Variants in RALYL observed in about 807,000 individuals in gnomAD.
RALYL encodes RNA-binding Raly-like protein.
RALYL carries 29 observed loss-of-function variants against 35.1 expected under a neutral mutation model. That is an observed-to-expected ratio of 0.83 (90% confidence interval 0.61 to 1.13). RALYL has a LOEUF of 1.13. Among genes scored for constraint, RALYL ranks in the 50% most tolerant of loss-of-function variants. The pLI is 0.00. For synonymous variants in RALYL, 120 were observed against 127.6 expected (o/e 0.94, Z 0.40); for missense variants, 359 against 360.4 (o/e 1.00, Z 0.03).
In RALYL at chr8:84,253,176, G is replaced by GTTTTTTTTTTT. The variant is rs764942491; in HGVS notation, c.-24+68773_-24+68783dup. Among the ~76,000 whole-genome samples, 2 of 52,858 alleles carry GTTTTTTTTTTT rather than the reference G, an allele frequency of 3.8e-5. 1 individual carries two copies. The highest frequency in any genetic ancestry group is 1.7e-4 in the African/African-American group (2 of 11,558). The allele number at this position is 52,858 out of a possible 152,430, so 34.7% of individuals were successfully genotyped here. A position where few individuals can be genotyped will look rare whatever the true frequency, so the allele number is the denominator to read the frequency against. On this transcript the variant is annotated intron_variant, in intron 1 of 8. Coordinates refer to ENST00000521268, the MANE Select transcript of RALYL (RefSeq NM_173848.7). ...GTATGTGTCTGTGTGTAGTTCTGCAGTTTTTTTTTTTTTTTTTTTTTTTTT... is the reference window on the plus strand; with the variant it reads ...GTATGTGTCTGTGTGTAGTTCTGCAGTTTTTTTTTTTTTTTTTTTTTTTTTTTTTTTTTTTT...
chr8:84,523,302 T>A (rs1479800976), intron 1 of RALYL, among the ~76,000 whole-genome samples: 3 of 151,912 alleles, frequency 2.0e-5, no homozygotes, highest in South Asian at 2.1e-4. Flanking sequence ...TCAGCTCTCA[T>A]GAGACTTATT....
intron 4 of RALYL, among the ~76,000 whole-genome samples, chr8:84,838,014 A>G (rs1832386231): frequency 6.6e-6 from 1 of 152,162 alleles, no homozygotes; most frequent in African/African-American, 2.4e-5. Flanking sequence ...AGTCATACTA[A>G]ACTATTAAAG....
intron 2 of RALYL, among the ~76,000 whole-genome samples, chr8:84,723,084 G>T (rs558197566): frequency 3.9e-5 from 6 of 152,036 alleles, no homozygotes; most frequent in Admixed American, 2.0e-4. Context: ...AAAGGACATT[G>T]AAATAATTAA....
intron 2 of RALYL, among the ~76,000 whole-genome samples, chr8:84,691,626 C>T (rs911062514): frequency 6.6e-6 from 1 of 151,860 alleles, no homozygotes; most frequent in Non-Finnish European, 1.5e-5. Context: ...TCTTCCTCCC[C>T]CCTCCCCTCA....
chr8:84,671,834 T>C (rs374291648), intron 2 of RALYL, among the ~76,000 whole-genome samples: 2 of 152,328 alleles, frequency 1.3e-5, no homozygotes, highest in East Asian at 3.9e-4. Context: ...TGGAAACATT[T>C]TCCCCATTGT....
chr8:84,739,471 T>C (rs765151618), intron 2 of RALYL, among the ~76,000 whole-genome samples: 8 of 151,906 alleles, frequency 5.3e-5, no homozygotes, highest in Non-Finnish European at 7.4e-5. Context: ...TTAGAATTGT[T>C]CAAGGATAAA....
chr8:84,454,535 C>T (rs1057288595), intron 1 of RALYL, among the ~76,000 whole-genome samples: 16 of 151,970 alleles, frequency 1.1e-4, no homozygotes, highest in Admixed American at 7.9e-4. Flanking sequence ...GATTTGTGTT[C>T]GAGGTGGGGT....
chr8:84,584,148 A>C (rs1811452640), intron 2 of RALYL, among the ~76,000 whole-genome samples: 1 of 152,190 alleles, frequency 6.6e-6, no homozygotes, highest in African/African-American at 2.4e-5. Flanking sequence ...CAATTAAGTT[A>C]TTGAAGTCCA....
chr8:84,499,654 C>A (rs1301713839), intron 1 of RALYL, among the ~76,000 whole-genome samples: 2 of 151,702 alleles, frequency 1.3e-5, no homozygotes, highest in Non-Finnish European at 2.9e-5. Flanking sequence ...AAGGTCTAAC[C>A]TTGGACTCCT....
intron 2 of RALYL, among the ~76,000 whole-genome samples, chr8:84,726,977 T>C (rs960292219): frequency 2.6e-5 from 4 of 151,926 alleles, no homozygotes; most frequent in Non-Finnish European, 5.9e-5. Context: ...ACTTGAAGGA[T>C]GGGTAGACTA....
chr8:84,909,378 T>C (rs1185284654), intron 8 of RALYL, among the ~76,000 whole-genome samples: 2 of 152,130 alleles, frequency 1.3e-5, no homozygotes, highest in East Asian at 1.9e-4. Flanking sequence ...ATTAATACCA[T>C]AGGTTTTGTC....
intron 1 of RALYL, among the ~76,000 whole-genome samples, chr8:84,339,947 G>T (rs999998202): frequency 6.6e-6 from 1 of 152,104 alleles, no homozygotes; most frequent in African/African-American, 2.4e-5. Flanking sequence ...CATGTCATGG[G>T]AGGGACCCAA....
rs545710694 is a variant in RALYL at position 84,867,343 on chromosome 8, A to G, written c.571+4890A>G. On this transcript the variant is annotated intron_variant, in intron 6 of 8. Coordinates refer to ENST00000521268, the MANE Select transcript of RALYL (RefSeq NM_173848.7). ...ATTTGTATGCACATCTAATCTTTCT[A>G]TTTTCAATTACAAATTCATTCAAGT... Among the ~76,000 whole-genome samples, 18 of 152,122 alleles carry G rather than the reference A, an allele frequency of 1.2e-4. No individual in the cohort carries two copies. The South Asian group carries it at 2.3e-3, about 19-fold the overall frequency.
At chr8:84,284,350 T>C (rs918200350) in intron 1 of RALYL, among the ~76,000 whole-genome samples, 1 of 152,164 alleles carries the variant, frequency 6.6e-6, no homozygotes, top group Non-Finnish European at 1.5e-5. Flanking sequence ...GACTGTTTTT[T>C]AGCTTCAAAA....
At chr8:84,380,653 G>A (rs1479622739) in intron 1 of RALYL, among the ~76,000 whole-genome samples, 2 of 151,880 alleles carry the variant, frequency 1.3e-5, no homozygotes, top group Non-Finnish European at 2.9e-5. Context: ...TAGAAGTGGA[G>A]AACGAAAAGG....
At chr8:84,587,253 C>T (rs529252581) in intron 2 of RALYL, among the ~76,000 whole-genome samples, 3 of 152,158 alleles carry the variant, frequency 2.0e-5, no homozygotes, top group South Asian at 2.1e-4. Flanking sequence ...TTTTTTGAGG[C>T]GTAATGGCAA....
At chr8:84,417,518 C>T (rs2044854701) in intron 1 of RALYL, among the ~76,000 whole-genome samples, 1 of 152,026 alleles carries the variant, frequency 6.6e-6, no homozygotes, top group Admixed American at 6.5e-5. Context: ...AGAAAGATAT[C>T]CAGCCCTATA....
chr8:84,316,114 C>T (rs565066854), intron 1 of RALYL, among the ~76,000 whole-genome samples: 6 of 152,194 alleles, frequency 3.9e-5, no homozygotes, highest in South Asian at 4.1e-4. Context: ...TTAAAGCTCA[C>T]GTTTCCATCA....
intron 2 of RALYL, among the ~76,000 whole-genome samples, chr8:84,713,241 T>C (rs764159647): frequency 4.6e-5 from 7 of 152,154 alleles, no homozygotes; most frequent in African/African-American, 7.2e-5. Flanking sequence ...TCTTGGCACT[T>C]TGGTAGATCA....
Sources: gnomAD v4.1 joint callset for allele counts (sites outside exome capture counted in the v4.1 genomes callset) on GRCh38, gnomAD v4.1.1 for gene constraint, MANE v1.5 for transcripts, NCBI Gene and HGNC (gene_info 2026-07-23, HGNC 2026-07-21) for gene names.